Variants in ZC2HC1A observed in about 807,000 individuals in gnomAD.
ZC2HC1A encodes the protein zinc finger C2HC domain-containing protein 1A.
In ZC2HC1A, 28 loss-of-function variants were observed where a neutral mutation model predicts 40.7. The observed-to-expected ratio is 0.69, with a 90% CI of 0.51 to 0.94. The LOEUF (loss-of-function observed/expected upper bound fraction) is 0.94, where lower values mean the gene tolerates loss of function less well. Ranked by LOEUF, ZC2HC1A falls within the 40% of genes least tolerant of loss-of-function variation. The pLI, the probability that ZC2HC1A is intolerant of heterozygous loss-of-function variation, is 0.00. For synonymous variants in ZC2HC1A, 129 were observed against 129.2 expected (o/e 1.00, Z 0.01); for missense variants, 389 against 386.3 (o/e 1.01, Z -0.06).
At chr8:78,697,147 A>G (rs7017898) in intron 5 of ZC2HC1A, among the ~76,000 whole-genome samples, 112,947 of 152,048 alleles carry the variant, frequency 0.74, 43,024 homozygotes, top group East Asian at 0.91. Flanking sequence ...GTTTCTTTCC[A>G]ATTATTTTTT....
Position 78,675,842 on chromosome 8 carries a change from A to G in ZC2HC1A, c.72A>G (p.Arg24=). 1 of 1,611,482 alleles carries G rather than the reference A, an allele frequency of 6.2e-7. No individual in the cohort carries two copies. Among genetic ancestry groups the G allele is most frequent in the Non-Finnish European group, 8.5e-7 (1 of 1,178,328 alleles). Residue 24 remains arginine (R), a synonymous_variant, in exon 2 of 9, where the codon AGA becomes AGG. Transcript: ENST00000263849. ...TGTTACCTTGCAAGATTTGTGGAAGAACATTCTTTCCAGTAGCATTAGTGA... is the reference window on the plus strand; with the variant it reads ...TGTTACCTTGCAAGATTTGTGGAAGGACATTCTTTCCAGTAGCATTAGTGA... ...GELLPCKICG[R]TFFPVALKKH...
rs559202435 is a variant in ZC2HC1A, at chr8:78,711,488, A to C, written c.705-3733A>C. 1.1e-4 allele frequency among the ~76,000 whole-genome samples: 16 copies of C among 152,198 alleles called. No individual in the cohort carries two copies. In the South Asian group the frequency reaches 3.3e-3, roughly 32 times the overall value. The stretch of plus-strand genomic sequence containing the variant: ...TACTTTGGATACATTTCAGAAATAA[A>C]GTCACTTTTTTGTTAGAAGTCAGTG... On this transcript the variant is annotated intron_variant, in intron 7 of 8. Transcript: ENST00000263849.
Position 78,717,468 on chromosome 8 carries a change from G to A in ZC2HC1A, c.953G>A (p.Cys318Tyr), listed in dbSNP as rs772869260. 4.4e-6 allele frequency: 7 copies of A among 1,589,310 alleles called. No homozygotes were observed. Among genetic ancestry groups the A allele is most frequent in the Non-Finnish European group, 6.0e-6 (7 of 1,172,740 alleles). The change falls in exon 9 of 9, where the codon TGT becomes TAT. Residue 318 changes from cysteine to tyrosine, a missense_variant. Transcript: ENST00000263849. ...PVEWAKFCCE[C>Y]GIRRMIL ...GAATGGGCCAAATTTTGCTGTGAAT[G>A]TGGCATTCGAAGAATGATTCTATGA...
chr8:78,684,428 G>A (rs939275193), intron 3 of ZC2HC1A, among the ~76,000 whole-genome samples: 17 of 152,098 alleles, frequency 1.1e-4, no homozygotes, highest in African/African-American at 3.6e-4. Context: ...TCATGAGGAC[G>A]GCATGGGAGA....
chr8:78,701,925 C>T (rs1028354143), intron 7 of ZC2HC1A, among the ~76,000 whole-genome samples: 1 of 151,978 alleles, frequency 6.6e-6, no homozygotes, highest in African/African-American at 2.4e-5. Context: ...GGTTATTGGC[C>T]TGAAGTTTCC....
intron 6 of ZC2HC1A, among the ~76,000 whole-genome samples, chr8:78,697,957 C>T (rs753347272): frequency 2.2e-4 from 33 of 152,062 alleles, no homozygotes; most frequent in African/African-American, 7.2e-4. Context: ...AGATTACTGG[C>T]GTGAGCCACC....
chr8:78,714,347 G>A (rs985135011), intron 7 of ZC2HC1A, among the ~76,000 whole-genome samples: 2 of 152,134 alleles, frequency 1.3e-5, no homozygotes, highest in African/African-American at 2.4e-5. Context: ...AATTGTACTT[G>A]ACATGGAGTA....
intron 8 of ZC2HC1A, among the ~76,000 whole-genome samples, chr8:78,716,055 A>G (rs1811090442): frequency 6.6e-6 from 1 of 150,406 alleles, no homozygotes; most frequent in Admixed American, 6.6e-5. Context: ...AAAAAAAAAA[A>G]GGCTGTTATA....
intron 7 of ZC2HC1A, among the ~76,000 whole-genome samples, chr8:78,712,888 C>T (rs909464439): frequency 2.0e-5 from 3 of 152,096 alleles, no homozygotes; most frequent in African/African-American, 7.2e-5. Flanking sequence ...ACAGTCTGCT[C>T]AGTATGTATG....
chr8:78,675,343 A>G (rs1464534555), intron 1 of ZC2HC1A, among the ~76,000 whole-genome samples: 9 of 151,994 alleles, frequency 5.9e-5, no homozygotes, highest in Admixed American at 5.9e-4. Context: ...TAAACAGAGT[A>G]AGATTCGTTT....
chr8:78,675,356 T>A (rs1180165465), intron 1 of ZC2HC1A, among the ~76,000 whole-genome samples: 1 of 152,004 alleles, frequency 6.6e-6, no homozygotes, highest in African/African-American at 2.4e-5. Context: ...ATTCGTTTTA[T>A]TCTAGATTCT....
At chr8:78,695,950 T>C (rs1051589692) in intron 5 of ZC2HC1A, among the ~76,000 whole-genome samples, 4 of 152,202 alleles carry the variant, frequency 2.6e-5, no homozygotes, top group African/African-American at 9.6e-5. Context: ...CTAGCTATTT[T>C]TGGTAGTAGT....
intron 3 of ZC2HC1A, among the ~76,000 whole-genome samples, chr8:78,684,696 G>A (rs1264500440): frequency 6.6e-6 from 1 of 152,098 alleles, no homozygotes; most frequent in East Asian, 1.9e-4. Flanking sequence ...AAATAACTAA[G>A]CTTCATATAC....
At chr8:78,677,099 A>G (rs1251646013) in intron 2 of ZC2HC1A, among the ~76,000 whole-genome samples, 4 of 152,270 alleles carry the variant, frequency 2.6e-5, no homozygotes, top group African/African-American at 9.6e-5. Context: ...AAAGCCTAAG[A>G]GGCTGCAAGA....
chr8:78,689,211 A>T lies in ZC2HC1A; in HGVS notation c.353-11A>T, dbSNP rs368612042. 1.0e-5 allele frequency: 15 copies of T among 1,462,630 alleles called. No individual in the cohort carries two copies. Among genetic ancestry groups the T allele is most frequent in the Admixed American group, 2.5e-5 (1 of 40,166 alleles). The allele number at this position is 1,462,630 out of a possible 1,614,324, so 90.6% of individuals were successfully genotyped here. A position where few individuals can be genotyped will look rare whatever the true frequency, so the allele number is the denominator to read the frequency against. Reference sequence around the variant, plus strand: ...ATGCTATTAATCTGTTTCCGTTTTTATCTGTTATAGATTATATTCAATGTC... The same window carrying T: ...ATGCTATTAATCTGTTTCCGTTTTTTTCTGTTATAGATTATATTCAATGTC... On this transcript the variant is annotated splice_polypyrimidine_tract_variant and intron_variant, in intron 4 of 8. Coordinates refer to ENST00000263849, the MANE Select transcript of ZC2HC1A (RefSeq NM_016010.3).
intron 2 of ZC2HC1A, among the ~76,000 whole-genome samples, chr8:78,676,794 G>A (rs964864864): frequency 8.6e-5 from 13 of 151,630 alleles, no homozygotes; most frequent in African/African-American, 2.4e-4. Context: ...ATTTTTCAGA[G>A]TGTTCAGCTG....
At chr8:78,697,975 C>A (rs113540675) in intron 6 of ZC2HC1A, among the ~76,000 whole-genome samples, 1 of 151,948 alleles carries the variant, frequency 6.6e-6, no homozygotes, top group Non-Finnish European at 1.5e-5. Flanking sequence ...ACCGTGGTGC[C>A]GAGCCACTTT....
intron 2 of ZC2HC1A, among the ~76,000 whole-genome samples, chr8:78,677,310 C>T (rs1436243819): frequency 1.3e-5 from 2 of 151,718 alleles, no homozygotes; most frequent in Non-Finnish European, 2.9e-5. Context: ...ATTCTAATGT[C>T]CCTAAACTGA....
At chr8:78,677,890 G>A (rs1809633969) in intron 2 of ZC2HC1A, among the ~76,000 whole-genome samples, 2 of 152,170 alleles carry the variant, frequency 1.3e-5, no homozygotes, top group South Asian at 2.1e-4. Flanking sequence ...AAGGCTGCTG[G>A]TTGCCCACTT....
Sources: allele counts gnomAD v4.1 joint callset (sites outside exome capture counted in the v4.1 genomes callset), GRCh38; gene constraint gnomAD v4.1.1; transcripts MANE v1.5; gene names NCBI Gene and HGNC (gene_info 2026-07-23, HGNC 2026-07-21).